CSNK1A1: variants seen among roughly 807,000 people sequenced by gnomAD.
CSNK1A1 encodes the protein casein kinase I isoform alpha.
In CSNK1A1, 7 loss-of-function variants were observed where a neutral mutation model predicts 46.1. The observed-to-expected ratio is 0.15, with a 90% CI of 0.09 to 0.29. CSNK1A1 has a LOEUF of 0.29. Ranked by LOEUF, CSNK1A1 falls within the 10% of genes least tolerant of loss-of-function variation. The pLI is 1.00. For synonymous variants in CSNK1A1, 137 were observed against 141.5 expected, an observed-to-expected ratio of 0.97 and a Z score of 0.23; for missense variants, 96 against 417.1, an observed-to-expected ratio of 0.23 and a Z score of 6.71.
chr5:149,510,533 A>G (rs1257194138), intron 6 of CSNK1A1, among the ~76,000 whole-genome samples: 1 of 152,102 alleles, frequency 6.6e-6, no homozygotes, highest in African/African-American at 2.4e-5. Flanking sequence ...GCTGGAGTGC[A>G]GTGGCTCGAT....
chr5:149,511,662 TA>T, intron 6 of CSNK1A1, 131 bp downstream of exon 6: 1 of 650,018 alleles, frequency 1.5e-6, no homozygotes, highest in Non-Finnish European at 2.6e-6. Context: ...AGGTAAAAAG[TA>T]AATTAAGGTT....
At chr5:149,507,811 G>C (rs554569624) in intron 7 of CSNK1A1, among the ~76,000 whole-genome samples, 23 of 152,186 alleles carry the variant, frequency 1.5e-4, no homozygotes, top group African/African-American at 5.3e-4. Context: ...ATTCTACCTA[G>C]TATATACATC....
chr5:149,526,880 G>A lies in CSNK1A1; in HGVS notation c.231-1709C>T, dbSNP rs76859397. On this transcript the variant is annotated intron_variant, in intron 2 of 9. Coordinates refer to ENST00000377843, the MANE Select transcript of CSNK1A1 (RefSeq NM_001892.6). ...TGCTCCCTAGAATCTTATGTTGAGAGTAAGAGATCCTAAGAGGATTATAAG... is the reference window on the plus strand; with the variant it reads ...TGCTCCCTAGAATCTTATGTTGAGAATAAGAGATCCTAAGAGGATTATAAG... Among the ~76,000 whole-genome samples, 2,458 of 152,282 alleles carry A rather than the reference G, an allele frequency of 0.016. 269 individuals are homozygous for A. In the East Asian group the frequency reaches 0.31, roughly 20 times the overall value.
At chr5:149,546,914 C>T (rs1762501945) in intron 2 of CSNK1A1, among the ~76,000 whole-genome samples, 1 of 152,026 alleles carries the variant, frequency 6.6e-6, no homozygotes, top group Non-Finnish European at 1.5e-5. Context: ...GATGCTGCTA[C>T]CCAAATAAAG....
chr5:149,545,521 CA>C, intron 2 of CSNK1A1: 2 of 649,548 alleles, frequency 3.1e-6, no homozygotes, highest in Non-Finnish European at 5.6e-6. Context: ...AATGCGGACA[CA>C]AGCACACTTC....
chr5:149,511,935 A>T (rs1417108087), intron 5 of CSNK1A1, 63 bp from the exon 6 acceptor site: 1 of 1,260,374 alleles, frequency 7.9e-7, no homozygotes, highest in Non-Finnish European at 1.1e-6. Context: ...TATGAAAGAA[A>T]GTCAAGTACC....
At chr5:149,504,936 A>G in intron 9 of CSNK1A1, 11 of 985,602 alleles carry the variant, frequency 1.1e-5, no homozygotes, top group Non-Finnish European at 1.3e-5. Context: ...GTAATGCCAA[A>G]CTCACCTCTT....
chr5:149,499,589 T>C (rs552609250), intron 9 of CSNK1A1, among the ~76,000 whole-genome samples: 1 of 151,812 alleles, frequency 6.6e-6, no homozygotes, highest in Non-Finnish European at 1.5e-5. Flanking sequence ...TAGTGAGACT[T>C]TGTCTATTAA....
At position 149,531,762 on chromosome 5, in the gene CSNK1A1, T is replaced by C. The variant is rs560750179; in HGVS notation, c.231-6591A>G. On this transcript the variant is annotated intron_variant, in intron 2 of 9. Coordinates refer to ENST00000377843, the MANE Select transcript of CSNK1A1 (RefSeq NM_001892.6). ...GGTGGGGACCTGTAATCCCAGCTAC[T>C]CAGGAGGCAGACGCTGCAGTGGGCC... Among the ~76,000 whole-genome samples the C allele has an allele frequency of 9.4e-5, 14 of 148,812 alleles. 1 individual carries two copies. The South Asian group carries it at 3.0e-3, about 32-fold the overall frequency.
intron 2 of CSNK1A1, among the ~76,000 whole-genome samples, chr5:149,535,083 C>A (rs551838035): frequency 6.6e-6 from 1 of 152,316 alleles, no homozygotes; most frequent in South Asian, 2.1e-4. Context: ...CTGTTGGGTA[C>A]TGAGCTCTAA....
At chr5:149,503,214 C>G (rs1760927143) in intron 9 of CSNK1A1, 4 of 985,308 alleles carry the variant, frequency 4.1e-6, no homozygotes, top group Non-Finnish European at 4.8e-6. Context: ...TAAAGGATAA[C>G]TTGCTGGGCT....
At chr5:149,502,321 G>T in intron 9 of CSNK1A1, 1 of 968,152 alleles carries the variant, frequency 1.0e-6, no homozygotes, top group Non-Finnish European at 1.2e-6. Context: ...ACTCTGTGAA[G>T]AGTAATATAA....
chr5:149,535,538 A>G (rs1048152918), intron 2 of CSNK1A1, among the ~76,000 whole-genome samples: 1 of 152,214 alleles, frequency 6.6e-6, no homozygotes, highest in African/African-American at 2.4e-5. Context: ...AAGGGATAAC[A>G]TGTACATTAA....
intron 3 of CSNK1A1, among the ~76,000 whole-genome samples, chr5:149,524,182 C>T (rs1042262613): frequency 3.3e-5 from 5 of 152,022 alleles, no homozygotes; most frequent in African/African-American, 1.2e-4. Context: ...CTGTTATTTT[C>T]CCTCTTCCTT....
intron 4 of CSNK1A1, 56 bp downstream of exon 4, chr5:149,520,234 C>A: frequency 9.0e-7 from 1 of 1,113,504 alleles, no homozygotes. Flanking sequence ...TTTACCAAAG[C>A]AATTCTTGTC....
At chr5:149,532,430 C>T (rs895568496) in intron 2 of CSNK1A1, among the ~76,000 whole-genome samples, 5 of 151,520 alleles carry the variant, frequency 3.3e-5, no homozygotes, top group African/African-American at 7.3e-5. Context: ...CAGTGGCTCA[C>T]ACCTGCAATT....
chr5:149,529,009 T>C (rs1257104000), intron 2 of CSNK1A1, among the ~76,000 whole-genome samples: 1 of 152,210 alleles, frequency 6.6e-6, no homozygotes, highest in Non-Finnish European at 1.5e-5. Flanking sequence ...CTACTAAGTG[T>C]ACAGTGGTAA....
At chr5:149,501,974 T>C (rs1239746723) in intron 9 of CSNK1A1, 14 of 934,414 alleles carry the variant, frequency 1.5e-5, no homozygotes, top group Middle Eastern at 5.4e-4. Flanking sequence ...AAAACTAGTA[T>C]AGATAATAAG....
Position 149,534,804 on chromosome 5 carries a change from G to A in CSNK1A1, c.231-9633C>T, listed in dbSNP as rs193256663. On this transcript the variant is annotated intron_variant, in intron 2 of 9. Coordinates refer to ENST00000377843, the MANE Select transcript of CSNK1A1 (RefSeq NM_001892.6). ...AAATTAGCCAGGCGTGGTGGCATGC[G>A]CCTGTACTCCCCAGGAAGCTGAGGC... 2.0e-3 allele frequency among the ~76,000 whole-genome samples: 307 copies of A among 150,718 alleles called. 1 individual carries two copies. The highest frequency in any genetic ancestry group is 7.0e-3 in the African/African-American group (285 of 40,944).
Sources: gnomAD v4.1 joint callset for allele counts (sites outside exome capture counted in the v4.1 genomes callset) on GRCh38, gnomAD v4.1.1 for gene constraint, MANE v1.5 for transcripts, NCBI Gene and HGNC (gene_info 2026-07-23, HGNC 2026-07-21) for gene names.